The following PCP4 variants were observed in gnomAD, a reference collection of about 807,000 sequenced individuals.
PCP4 encodes calmodulin regulator protein PCP4.
In PCP4, 8 loss-of-function variants were observed where a neutral mutation model predicts 10.0. The observed-to-expected ratio is 0.80, with a 90% CI of 0.47 to 1.45. The LOEUF is 1.45. PCP4 is among the 40% of genes most tolerant of loss of function. The pLI is 0.00. For missense variants in PCP4, 54 were observed against 74.4 expected (o/e 0.73, Z 1.01); for synonymous variants, 21 against 23.0 (o/e 0.91, Z 0.24).
intron 2 of PCP4, among the ~76,000 whole-genome samples, chr21:39,908,674 G>A (rs2087524826): frequency 6.6e-6 from 1 of 152,120 alleles, no homozygotes; most frequent in South Asian, 2.1e-4. Flanking sequence ...TCGGCCCAAA[G>A]GAAAGGTGGG....
In PCP4 at chr21:39,882,544, G is replaced by T. The variant is rs544670266; in HGVS notation, c.9+15034G>T. Among the ~76,000 whole-genome samples, 6 of 152,330 alleles carry T rather than the reference G, an allele frequency of 3.9e-5. No homozygotes were observed. The East Asian group carries it at 1.2e-3, about 29-fold the overall frequency. On this transcript the variant is annotated intron_variant, in intron 1 of 2. Transcript: ENST00000328619. ...GTGGCCGGTTTTTGTAATCCGGGAA[G>T]ACCCCATGTGGGTTTTCTGATCTCA...
At chr21:39,883,949 G>T (rs1340477750) in intron 1 of PCP4, among the ~76,000 whole-genome samples, 3 of 152,132 alleles carry the variant, frequency 2.0e-5, no homozygotes, top group Non-Finnish European at 4.4e-5. Context: ...ACACATTAAT[G>T]AGGTGGGTAT....
At chr21:39,927,323 A>ATCTATCTATCTGTCTG (rs2087628017) in intron 2 of PCP4, among the ~76,000 whole-genome samples, 2 of 28,228 alleles carry the variant, frequency 7.1e-5, no homozygotes, top group African/African-American at 2.3e-4. Context: ...TCTATCTATC[A>ATCTATCTATCTGTCTG]TCTATCTATC....
At chr21:39,877,543 A>T (rs908124269) in intron 1 of PCP4, among the ~76,000 whole-genome samples, 1 of 151,718 alleles carries the variant, frequency 6.6e-6, no homozygotes, top group African/African-American at 2.4e-5. Flanking sequence ...AAAAAAAAAA[A>T]AAAATTAGCC....
chr21:39,875,180 A>G (rs2146325247), intron 1 of PCP4, among the ~76,000 whole-genome samples: 1 of 152,162 alleles, frequency 6.6e-6, no homozygotes, highest in Non-Finnish European at 1.5e-5. Flanking sequence ...TTAGAGAAAT[A>G]TCACTTTTTT....
At chr21:39,884,724 G>A (rs1376738452) in intron 1 of PCP4, among the ~76,000 whole-genome samples, 1 of 152,046 alleles carries the variant, frequency 6.6e-6, no homozygotes, top group East Asian at 2.0e-4. Flanking sequence ...TTGAACCCAA[G>A]GAGGCAGAGG....
At chr21:39,909,920 C>T (rs896164076) in intron 2 of PCP4, among the ~76,000 whole-genome samples, 6 of 151,912 alleles carry the variant, frequency 3.9e-5, no homozygotes, top group African/African-American at 9.7e-5. Flanking sequence ...CTCAGCCACC[C>T]GAGTAGCTGG....
Position 39,907,100 on chromosome 21 carries a change from G to A in PCP4, c.61+8573G>A, listed in dbSNP as rs373762570. Among the ~76,000 whole-genome samples, 23 of 152,160 alleles carry A rather than the reference G, an allele frequency of 1.5e-4. No homozygotes were observed. In the South Asian group the frequency reaches 4.8e-3, roughly 32 times the overall value. On this transcript the variant is annotated intron_variant, in intron 2 of 2. Coordinates refer to ENST00000328619, the MANE Select transcript of PCP4 (RefSeq NM_006198.3). ...GTAGGTTTCATATTAGGTACATCTG[G>A]GATTACAAAAGCACGGAAAAATGCT...
Position 39,927,521 on chromosome 21 carries a change from G to T in PCP4, c.62-1463G>T, listed in dbSNP as rs567741028. On this transcript the variant is annotated intron_variant, in intron 2 of 2. Coordinates refer to ENST00000328619, the MANE Select transcript of PCP4 (RefSeq NM_006198.3). The stretch of plus-strand genomic sequence containing the variant: ...ATTATTATGCAAAGTCCCTAAACAA[G>T]GTAGTGGATGATGAACTCAGGCTGC... Among the ~76,000 whole-genome samples, 17 of 152,196 alleles carry T rather than the reference G, an allele frequency of 1.1e-4. 1 individual carries two copies. The South Asian group carries it at 3.1e-3, about 28-fold the overall frequency.
chr21:39,905,659 G>C (rs1408091888), intron 2 of PCP4, among the ~76,000 whole-genome samples: 1 of 152,204 alleles, frequency 6.6e-6, no homozygotes, highest in African/African-American at 2.4e-5. Flanking sequence ...CTTCTGATCA[G>C]TCTTGGGTGT....
intron 2 of PCP4, among the ~76,000 whole-genome samples, chr21:39,920,293 G>A (rs1274483910): frequency 6.8e-6 from 1 of 147,410 alleles, no homozygotes; most frequent in African/African-American, 2.5e-5. Context: ...TGTGGTGTGT[G>A]TGTGTGGTGT....
At chr21:39,903,478 G>A (rs2146339983) in intron 2 of PCP4, among the ~76,000 whole-genome samples, 1 of 152,300 alleles carries the variant, frequency 6.6e-6, no homozygotes, top group South Asian at 2.1e-4. Flanking sequence ...ACAAGCTCGG[G>A]CTCCATGCTT....
At chr21:39,898,975 G>A (rs1454378878) in intron 2 of PCP4, among the ~76,000 whole-genome samples, 1 of 152,198 alleles carries the variant, frequency 6.6e-6, no homozygotes, top group South Asian at 2.1e-4. Flanking sequence ...GGAAGGTGCT[G>A]AGTCAGTGAA....
At chr21:39,888,080 C>T (rs1451115871) in intron 1 of PCP4, among the ~76,000 whole-genome samples, 1 of 152,114 alleles carries the variant, frequency 6.6e-6, no homozygotes, top group East Asian at 1.9e-4. Context: ...AACCCTGAAA[C>T]CATTAGAAGT....
At chr21:39,927,341 C>CTATCTA (rs1555851243) in intron 2 of PCP4, among the ~76,000 whole-genome samples, 17 of 31,824 alleles carry the variant, frequency 5.3e-4, no homozygotes, top group African/African-American at 2.9e-3. Context: ...ATCTATCTGT[C>CTATCTA]TATCTATCTA....
chr21:39,877,434 C>G (rs1024988295), intron 1 of PCP4, among the ~76,000 whole-genome samples: 1 of 151,834 alleles, frequency 6.6e-6, no homozygotes, highest in Non-Finnish European at 1.5e-5. Flanking sequence ...CTCCTGTAAT[C>G]CCAGCACTTT....
rs1353375762 is a variant in PCP4, at chr21:39,912,125, C to G, written c.61+13598C>G. On this transcript the variant is annotated intron_variant, in intron 2 of 2. Transcript: ENST00000328619. ...GACATTTTTTTTTCTAACATTCTAT[C>G]TAAATTTGTTTCTTGACATCAGTTT... 2.0e-5 allele frequency among the ~76,000 whole-genome samples: 3 copies of G among 152,182 alleles called. No homozygotes were observed. In the East Asian group the frequency reaches 5.8e-4, roughly 29 times the overall value.
At chr21:39,873,338 A>G (rs2087329555) in intron 1 of PCP4, among the ~76,000 whole-genome samples, 1 of 152,188 alleles carries the variant, frequency 6.6e-6, no homozygotes, top group South Asian at 2.1e-4. Flanking sequence ...CGCGGAAAGC[A>G]AGTTCCATAT....
intron 1 of PCP4, among the ~76,000 whole-genome samples, chr21:39,869,702 C>T (rs2087310774): frequency 6.6e-6 from 1 of 152,196 alleles, no homozygotes; most frequent in South Asian, 2.1e-4. Context: ...CTCAAATCTG[C>T]TTAAAATCTT....
Sources: allele counts gnomAD v4.1 joint callset (sites outside exome capture counted in the v4.1 genomes callset), GRCh38; gene constraint gnomAD v4.1.1; transcripts MANE v1.5; gene names NCBI Gene and HGNC (gene_info 2026-07-23, HGNC 2026-07-21).